Variants in STAR observed in about 807,000 individuals in gnomAD.
STAR encodes the protein steroidogenic acute regulatory protein, mitochondrial.
In STAR, 32 loss-of-function variants were observed where a neutral mutation model predicts 32.3. The observed-to-expected ratio is 0.99, with a 90% confidence interval of 0.75 to 1.33. The LOEUF is 1.33. STAR is among the 40% of genes most tolerant of loss of function. STAR has a pLI of 0.00. For synonymous variants in STAR, 134 were observed against 140.5 expected (o/e 0.95, Z 0.33); for missense variants, 375 against 379.0 (o/e 0.99, Z 0.09).
chr8:38,144,891 TCCAG>T, intron 6 of STAR: 2 of 757,680 alleles, frequency 2.6e-6, no homozygotes, highest in South Asian at 3.8e-5. Flanking sequence ...CGCCTGTAGT[TCCAG>T]CTACTCAGGA....
chr8:38,146,995 G>GT lies in STAR; in HGVS notation c.307-549dup, dbSNP rs1291374295. Among the ~76,000 whole-genome samples the GT allele has an allele frequency of 9.8e-3, 1,394 of 142,414 alleles. 11 individuals are homozygous for GT. Among genetic ancestry groups the GT allele is most frequent in the South Asian group, 0.024 (109 of 4,496 alleles). The allele number at this position is 142,414 out of a possible 152,430, so 93.4% of individuals were successfully genotyped here. On this transcript the variant is annotated intron_variant, in intron 3 of 6. Transcript: ENST00000276449. The stretch of plus-strand genomic sequence containing the variant: ...GGACCCTTTTTAAGATTTTTTTCTT[G>GT]TTTTTTTTTTTTGAGACCGTCTCAC...
At chr8:38,145,027 AAAGAAG>A (rs1240747255) in intron 6 of STAR, 189 bp downstream of exon 6, 7 of 1,399,996 alleles carry the variant, frequency 5.0e-6, no homozygotes, top group East Asian at 2.7e-5. Context: ...AAAAAAAAAA[AAAGAAG>A]AGGGGGCCAT....
rs1024589534 is a variant in STAR at position 38,147,417 on chromosome 8, A to G, written c.306+783T>C. Among the ~76,000 whole-genome samples, 10 of 152,292 alleles carry G rather than the reference A, an allele frequency of 6.6e-5. No individual in the cohort carries two copies. In the East Asian group the frequency reaches 1.7e-3, roughly 26 times the overall value. ...GTTTTACACCAGCTTAATTAGATAC[A>G]TAGAATGTTGAATGGGATCTTCAAG... On this transcript the variant is annotated intron_variant, in intron 3 of 6. Coordinates refer to ENST00000276449, the MANE Select transcript of STAR (RefSeq NM_000349.3).
At chr8:38,150,721 C>G (rs1802651907) in intron 1 of STAR, 34 bp downstream of exon 1, 2 of 1,604,352 alleles carry the variant, frequency 1.2e-6, no homozygotes, top group South Asian at 2.2e-5. Flanking sequence ...GAGAGCTGGC[C>G]AACCCCTCAT....
At chr8:38,145,022 A>C in intron 6 of STAR, 200 bp downstream of exon 6, 1 of 1,403,402 alleles carries the variant, frequency 7.1e-7, no homozygotes, top group Non-Finnish European at 9.2e-7. Context: ...AAAAAAAAAA[A>C]AAAAAAAGAA....
At chr8:38,148,834 A>G in intron 1 of STAR, 80 bp from the exon 2 acceptor site, 1 of 1,207,874 alleles carries the variant, frequency 8.3e-7, no homozygotes, top group Non-Finnish European at 1.2e-6. Context: ...ATCTTGTCTC[A>G]AATGAGTAAG....
rs767678899 is a variant in STAR at position 38,145,278 on chromosome 8, A to G, written c.688T>C (p.Leu230=). 8 of 1,614,210 alleles carry G rather than the reference A, an allele frequency of 5.0e-6. No homozygotes were observed. Among genetic ancestry groups the G allele is most frequent in the Non-Finnish European group, 6.8e-6 (8 of 1,180,034 alleles). Residue 230 remains leucine (L), a synonymous_variant, in exon 6 of 7, where the codon TTG becomes CTG. Coordinates refer to ENST00000276449, the MANE Select transcript of STAR (RefSeq NM_000349.3). ...HGPTCMVLHP[L]AGSPSKTKLT... ...TTGGTCTTAGAGGGACTTCCAGCCA[A>G]CGGGTGAAGCACCATGCAAGTGGGA...
intron 2 of STAR, 80 bp downstream of exon 2, chr8:38,148,561 G>T: frequency 6.9e-7 from 1 of 1,447,356 alleles, no homozygotes; most frequent in Non-Finnish European, 9.7e-7. Flanking sequence ...CAGGAGGGGA[G>T]CCAAAGCCAC....
Position 38,146,385 on chromosome 8 carries a change from C to G in STAR, c.369G>C (p.Glu123Asp). The G allele has an allele frequency of 1.2e-6, 2 of 1,614,172 alleles. No homozygotes were observed. Among genetic ancestry groups the G allele is most frequent in the Non-Finnish European group, 1.7e-6 (2 of 1,180,048 alleles). ...TCTCCATGGGCTGGTCCACCACGAC[C>G]TCCAGCCGGAACACCTTGCCCACAT... ...VPDVGKVFRL[E>D]VVVDQPMERL... is the part of the protein sequence containing the mutation. Residue 123 changes from glutamate to aspartate, a missense_variant, in exon 4 of 7, where the codon GAG (glutamate) becomes GAC (aspartate). By Grantham distance (45) the Glu-to-Asp change is conservative. Transcript: ENST00000276449.
At chr8:38,145,421 T>G (rs983019595) in intron 5 of STAR, 106 bp from the exon 6 acceptor site, 5 of 1,492,374 alleles carry the variant, frequency 3.4e-6, no homozygotes, top group Non-Finnish European at 3.7e-6. Context: ...ACCTTGTCTT[T>G]TCTGAGTCTC....
intron 3 of STAR, among the ~76,000 whole-genome samples, chr8:38,147,140 A>G (rs1454392663): frequency 6.6e-6 from 1 of 151,980 alleles, no homozygotes; most frequent in African/African-American, 2.4e-5. Context: ...GGCAAGCAGC[A>G]TTACACCTAG....
chr8:38,145,863 G>T, intron 5 of STAR, 100 bp downstream of exon 5: 1 of 1,446,592 alleles, frequency 6.9e-7, no homozygotes, highest in Non-Finnish European at 9.7e-7. Flanking sequence ...GTGCACCAAG[G>T]GTTGGTTTCT....
Position 38,145,354 on chromosome 8 carries a change from AGTTCTCTCTTG to A in STAR, c.651-50_651-40del, listed in dbSNP as rs745904126. On this transcript the variant is annotated intron_variant, in intron 5 of 6. Transcript: ENST00000276449. ...AAGTCAAGTCAGGAGGACAGTTGCGAGTTCTCTCTTGCACTGGCTGCTTACACCAGTACCAT... is the reference window on the plus strand; with the variant it reads ...AAGTCAAGTCAGGAGGACAGTTGCGACACTGGCTGCTTACACCAGTACCAT... 9 of 1,613,650 alleles carry A rather than the reference AGTTCTCTCTTG, an allele frequency of 5.6e-6. No homozygotes were observed. The African/African-American group carries it at 9.3e-5, about 17-fold the overall frequency.
intron 3 of STAR, 119 bp from the exon 4 acceptor site, chr8:38,146,566 AG>A (rs1260855777): frequency 8.9e-7 from 1 of 1,118,956 alleles, no homozygotes; most frequent in East Asian, 2.6e-5. Context: ...TCACAAGGTC[AG>A]GAGTTCGAGA....
rs1426274819 is a variant in STAR at position 38,144,208 on chromosome 8, G to C, written c.*65C>G. The C allele has an allele frequency of 2.7e-6, 4 of 1,493,080 alleles. No homozygotes were observed. In the Admixed American group the frequency reaches 5.8e-5, roughly 22 times the overall value. 92.5% of individuals were successfully genotyped at this position (1,493,080 alleles called of 1,614,324 possible). Reference sequence around the variant, plus strand: ...ATCTTAGACTTGCAGGCTTCCAGTAGGGATTCTCCTGATGAGCGTGTGTAC... The same window carrying C: ...ATCTTAGACTTGCAGGCTTCCAGTACGGATTCTCCTGATGAGCGTGTGTAC... On this transcript the variant is annotated 3_prime_UTR_variant, in exon 7 of 7. Transcript: ENST00000276449.
rs1271307921 is a variant in STAR at position 38,145,304 on chromosome 8, C to G, written c.662G>C (p.Gly221Ala). The change falls in exon 6 of 7, where the codon GGT becomes GCT. Residue 221 changes from glycine to alanine, a missense_variant. Transcript: ENST00000276449. ...EQKGVIRAEH[G>A]PTCMVLHPLA... ...CGGGTGAAGCACCATGCAAGTGGGA[C>G]CGTGCTCCGCCCTGGCAAATGGAGA... is the stretch of plus-strand genomic sequence containing the variant. 1.2e-6 allele frequency: 2 copies of G among 1,614,024 alleles called. No individual in the cohort carries two copies. The highest frequency in any genetic ancestry group is 8.5e-7 in the Non-Finnish European group (1 of 1,180,042).
rs372984416 is a variant in STAR at position 38,146,097 on chromosome 8, G to A, written c.516C>T (p.Ala172=). 8.8e-5 allele frequency: 142 copies of A among 1,614,152 alleles called. No individual in the cohort carries two copies. Among genetic ancestry groups the A allele is most frequent in the Non-Finnish European group, 1.1e-4 (129 of 1,180,030 alleles). The part of the protein sequence containing the change: ...KDTFITHELA[A]EAAGNLVGPR... ...GCCCCACCAGGTTTCCTGCTGCCTC[G>A]GCAGCCAGCTCGTGAGTAATGAATG... Residue 172 remains alanine (A), a synonymous_variant, in exon 5 of 7, where the codon GCC becomes GCT. Coordinates refer to ENST00000276449, the MANE Select transcript of STAR (RefSeq NM_000349.3).
intron 1 of STAR, 74 bp downstream of exon 1, chr8:38,150,681 C>T: frequency 6.3e-7 from 1 of 1,598,860 alleles, no homozygotes; most frequent in Admixed American, 1.7e-5. Flanking sequence ...CAACTAGGAT[C>T]AGAATTGGGT....
In STAR at chr8:38,145,270, TC is replaced by T. The variant is rs757367795; in HGVS notation, c.695del (p.Gly232GlufsTer89). On this transcript the variant is annotated frameshift_variant, in exon 6 of 7. Transcript: ENST00000276449. LOFTEE classifies it high-confidence loss of function. Reference protein sequence around the residue: ...PTCMVLHPLAGSPSKTKLTWL... With the variant: ...PTCMVLHPLAXSPSKTKLTWL... ...ACGTAAGTTTGGTCTTAGAGGGACT[TC>T]CAGCCAACGGGTGAAGCACCATGCA... 4.3e-6 allele frequency: 7 copies of T among 1,614,158 alleles called. No homozygotes were observed. The highest frequency in any genetic ancestry group is 1.7e-5 in the Admixed American group (1 of 60,002).
Sources: gnomAD v4.1 joint callset for allele counts (sites outside exome capture counted in the v4.1 genomes callset) on GRCh38, gnomAD v4.1.1 for gene constraint, MANE v1.5 for transcripts, NCBI Gene and HGNC (gene_info 2026-07-23, HGNC 2026-07-21) for gene names.